TANC2: variants seen among roughly 807,000 people sequenced by gnomAD.
TANC2 encodes the protein protein TANC2.
In TANC2, 26 loss-of-function variants were observed where a neutral mutation model predicts 210.5. That is an observed-to-expected ratio of 0.12 (90% confidence interval 0.09 to 0.17). The LOEUF (loss-of-function observed/expected upper bound fraction) is 0.17. Ranked by LOEUF, TANC2 falls within the 10% of genes least tolerant of loss-of-function variation. The pLI is 1.00. For missense variants in TANC2, 2,129 were observed against 2,608.9 expected, an observed-to-expected ratio of 0.82 and a Z score of 4.01; for synonymous variants, 931 against 967.1, an observed-to-expected ratio of 0.96 and a Z score of 0.69.
intron 11 of TANC2, among the ~76,000 whole-genome samples, chr17:63,324,422 C>T (rs989644943): frequency 6.6e-6 from 1 of 152,066 alleles, no homozygotes; most frequent in Non-Finnish European, 1.5e-5. Context: ...GTAGTCATTT[C>T]AGTAATCCTT....
At position 63,046,325 on chromosome 17, in the gene TANC2, C is replaced by CTTTTTTTTTTTTTTTTTT. The variant is rs57550590; in HGVS notation, c.68-27611_68-27594dup. Among the ~76,000 whole-genome samples, 14 of 44,142 alleles carry CTTTTTTTTTTTTTTTTTT rather than the reference C, an allele frequency of 3.2e-4. 4 individuals are homozygous for CTTTTTTTTTTTTTTTTTT. Among genetic ancestry groups the CTTTTTTTTTTTTTTTTTT allele is most frequent in the South Asian group, 2.0e-3 (2 of 996 alleles). The allele number at this position is 44,142 out of a possible 152,430, so 29.0% of individuals were successfully genotyped here. On this transcript the variant is annotated intron_variant, in intron 2 of 27. Coordinates refer to ENST00000689528, the Ensembl canonical transcript of TANC2. Reference sequence around the variant, plus strand: ...CAGGTGCGTGCCACCACACCCAGCTCTTTTTTTTTTTTTTTTTTTTTTTTG... The same window carrying CTTTTTTTTTTTTTTTTTT: ...CAGGTGCGTGCCACCACACCCAGCTCTTTTTTTTTTTTTTTTTTTTTTTTTTTTTTTTTTTTTTTTTTG...
rs142306781 is a variant in TANC2, at chr17:63,230,520, T to C, written c.770-7294T>C. Among the ~76,000 whole-genome samples the C allele has an allele frequency of 3.1e-3, 479 of 152,364 alleles. 2 individuals carry two copies. Among genetic ancestry groups the C allele is most frequent in the African/African-American group, 0.011 (454 of 41,590 alleles). On this transcript the variant is annotated intron_variant, in intron 7 of 27. Transcript: ENST00000689528. ...TGGTTTCAAATAGCTTCTTGATTTC[T>C]GTCTTAATTTCTTTATTTACCCAGG... is the stretch of plus-strand genomic sequence containing the variant.
chr17:63,376,127 T>G (rs1246567712), intron 14 of TANC2, among the ~76,000 whole-genome samples: 2 of 151,316 alleles, frequency 1.3e-5, no homozygotes, highest in Non-Finnish European at 2.9e-5. Context: ...TAAACTGAGT[T>G]TTCATGGGAT....
At chr17:63,207,607 A>G (rs372014013) in intron 7 of TANC2, among the ~76,000 whole-genome samples, 11 of 152,146 alleles carry the variant, frequency 7.2e-5, no homozygotes, top group African/African-American at 2.4e-4. Context: ...ATCATATTCT[A>G]CTGTATGAAT....
At chr17:63,315,790 A>T (rs1221683225) in intron 10 of TANC2, among the ~76,000 whole-genome samples, 1 of 152,240 alleles carries the variant, frequency 6.6e-6, no homozygotes, top group Non-Finnish European at 1.5e-5. Flanking sequence ...GCCTTGTATC[A>T]TTAAGGAGGC....
intron 2 of TANC2, among the ~76,000 whole-genome samples, chr17:63,068,067 G>T (rs987270034): frequency 1.3e-5 from 2 of 152,064 alleles, no homozygotes; most frequent in Non-Finnish European, 2.9e-5. Context: ...AAAGCAGCCC[G>T]AGAGAAATAA....
At chr17:63,290,225 T>C (rs2044345116) in intron 9 of TANC2, among the ~76,000 whole-genome samples, 1 of 152,178 alleles carries the variant, frequency 6.6e-6, no homozygotes, top group Non-Finnish European at 1.5e-5. Flanking sequence ...TCACACAAAA[T>C]GGTGGCGGCC....
chr17:63,151,902 A>G (rs2039666281), intron 5 of TANC2: 1 of 152,202 alleles, frequency 6.6e-6, no homozygotes, highest in African/African-American at 2.4e-5. Flanking sequence ...CTCCTTTTGG[A>G]TACAGATACT....
intron 1 of TANC2, among the ~76,000 whole-genome samples, chr17:62,981,148 C>T (rs1050045777): frequency 7.9e-5 from 12 of 152,152 alleles, no homozygotes; most frequent in East Asian, 1.9e-4. Context: ...AGTTCTTTCA[C>T]GTTCCCATTG....
At chr17:63,297,378 A>G (rs767325185) in intron 9 of TANC2, among the ~76,000 whole-genome samples, 10 of 151,514 alleles carry the variant, frequency 6.6e-5, no homozygotes, top group Non-Finnish European at 1.3e-4. Flanking sequence ...TAAAAGACCA[A>G]TGTAATACAG....
chr17:63,194,121 A>G lies in TANC2; in HGVS notation c.564A>G (p.Glu188=), dbSNP rs371482015. 365 of 1,613,000 alleles carry G rather than the reference A, an allele frequency of 2.3e-4. No individual in the cohort carries two copies. Among genetic ancestry groups the G allele is most frequent in the Non-Finnish European group, 2.9e-4 (338 of 1,179,498 alleles). ...AGCCAGGTGACCAATACAGCATGGA[A>G]GTACAGGATGAAAATCAGGTAAGCT... The change falls in exon 6 of 28, where the codon GAA becomes GAG. Residue 188 remains glutamate, a synonymous_variant. Transcript: ENST00000689528.
intron 2 of TANC2, among the ~76,000 whole-genome samples, chr17:63,011,225 T>G (rs1473750141): frequency 6.6e-6 from 1 of 150,910 alleles, no homozygotes; most frequent in Admixed American, 6.6e-5. Context: ...TTTTGTTGTT[T>G]TGTGTGTGTG....
intron 7 of TANC2, among the ~76,000 whole-genome samples, chr17:63,228,898 T>G (rs1198247361): frequency 6.6e-6 from 1 of 152,230 alleles, no homozygotes; most frequent in African/African-American, 2.4e-5. Context: ...ACTTCCTCTC[T>G]TCCTATTTGA....
chr17:63,372,145 T>C (rs2047287599), intron 14 of TANC2, among the ~76,000 whole-genome samples: 1 of 152,236 alleles, frequency 6.6e-6, no homozygotes, highest in South Asian at 2.1e-4. Context: ...TAAGATTTAC[T>C]ATCCTCCTGA....
exon 4 of TANC2, chr17:63,099,220 C>T (rs2037528226): frequency 6.3e-7 from 1 of 1,598,734 alleles, no homozygotes; most frequent in African/African-American, 1.3e-5. Context: ...CCAGACTACG[C>T]TGTCCCGCCA....
intron 9 of TANC2, among the ~76,000 whole-genome samples, chr17:63,310,268 G>A (rs2045076114): frequency 6.6e-6 from 1 of 152,092 alleles, no homozygotes; most frequent in South Asian, 2.1e-4. Flanking sequence ...CCAACATGGT[G>A]AAACCCTATC....
intron 2 of TANC2, among the ~76,000 whole-genome samples, chr17:63,035,005 A>G (rs942032842): frequency 2.6e-5 from 4 of 152,330 alleles, no homozygotes; most frequent in Non-Finnish European, 4.4e-5. Context: ...AAGAAATTCT[A>G]CTGAGTAAAA....
At chr17:63,147,110 T>C (rs1398378327) in intron 4 of TANC2, among the ~76,000 whole-genome samples, 1 of 151,830 alleles carries the variant, frequency 6.6e-6, no homozygotes, top group African/African-American at 2.4e-5. Context: ...GGCAGGCAAA[T>C]CTTTTGAGTC....
intron 8 of TANC2, among the ~76,000 whole-genome samples, chr17:63,257,449 C>G (rs904601552): frequency 6.6e-6 from 1 of 151,670 alleles, no homozygotes; most frequent in Non-Finnish European, 1.5e-5. Flanking sequence ...CCCCCACCTC[C>G]TGGGCTCAAG....
Sources: allele counts gnomAD v4.1 joint callset (sites outside exome capture counted in the v4.1 genomes callset), GRCh38; gene constraint gnomAD v4.1.1; transcripts MANE v1.5; gene names NCBI Gene and HGNC (gene_info 2026-07-23, HGNC 2026-07-21).